EML5: variants seen among roughly 807,000 people sequenced by gnomAD.
EML5 encodes the protein EMAP like 5.
EML5 carries 120 observed loss-of-function variants against 250.0 expected under a neutral mutation model. The ratio of observed to expected loss-of-function variants is 0.48; its 90% CI spans 0.41 to 0.56. EML5 has a LOEUF of 0.56. Ranked by LOEUF, EML5 falls within the 20% of genes least tolerant of loss-of-function variation. The pLI is 0.00. For missense variants in EML5, 2,006 were observed against 2,437.6 expected, an observed-to-expected ratio of 0.82 and a Z score of 3.73; for synonymous variants, 771 against 806.5, an observed-to-expected ratio of 0.96 and a Z score of 0.75.
intron 19 of EML5, among the ~76,000 whole-genome samples, chr14:88,685,614 C>T: frequency 6.6e-6 from 1 of 151,854 alleles, no homozygotes; most frequent in East Asian, 1.9e-4. Context: ...TACATCATTC[C>T]ATATATTTTT....
At chr14:88,787,026 A>G (rs2094558036) in intron 1 of EML5, among the ~76,000 whole-genome samples, 2 of 152,238 alleles carry the variant, frequency 1.3e-5, no homozygotes, top group South Asian at 4.1e-4. Flanking sequence ...CCAAGAGTAA[A>G]TGGGAGAAAA....
At chr14:88,752,232 A>G (rs774532479) in intron 2 of EML5, among the ~76,000 whole-genome samples, 24 of 152,190 alleles carry the variant, frequency 1.6e-4, no homozygotes, top group Non-Finnish European at 3.2e-4. Flanking sequence ...AATGCAATAT[A>G]TTACATTTAG....
At chr14:88,788,020 C>G (rs1023134285) in intron 1 of EML5, among the ~76,000 whole-genome samples, 5 of 152,226 alleles carry the variant, frequency 3.3e-5, no homozygotes, top group African/African-American at 1.2e-4. Flanking sequence ...TGCGTTTGAG[C>G]AAAAGGCTAG....
intron 1 of EML5, among the ~76,000 whole-genome samples, chr14:88,782,852 G>A (rs903430320): frequency 1.3e-5 from 2 of 152,146 alleles, no homozygotes; most frequent in Non-Finnish European, 2.9e-5. Flanking sequence ...GGCTGAGGTG[G>A]GTGGATCACC....
chr14:88,703,090 T>G (rs1041033914), intron 13 of EML5, among the ~76,000 whole-genome samples: 1 of 152,072 alleles, frequency 6.6e-6, no homozygotes, highest in African/African-American at 2.4e-5. Flanking sequence ...CAATAAACTT[T>G]TATGAACTGC....
chr14:88,760,418 T>C (rs2094222295), intron 1 of EML5, among the ~76,000 whole-genome samples: 1 of 152,184 alleles, frequency 6.6e-6, no homozygotes, highest in Non-Finnish European at 1.5e-5. Flanking sequence ...GAAAAGACTA[T>C]CTTTTCTCCA....
In EML5 at chr14:88,704,917, G is replaced by A; in HGVS notation, c.1994C>T (p.Thr665Ile). 2 of 1,613,262 alleles carry A rather than the reference G, an allele frequency of 1.2e-6. No homozygotes were observed. Among genetic ancestry groups the A allele is most frequent in the Non-Finnish European group, 1.7e-6 (2 of 1,179,514 alleles). The change falls in exon 13 of 44, where the codon ACT becomes ATT. Residue 665 changes from threonine (T) to isoleucine (I), a missense_variant. Thr to Ile is a moderately conservative substitution (Grantham distance 89). Transcript: ENST00000554922. ...EQCKEKQKSATSKRRERAPGN... is the reference protein window; with the variant it reads ...EQCKEKQKSAISKRRERAPGN... Reference sequence around the variant, plus strand: ...TGGAGCCCGCTCTCTTCTTTTAGAAGTAGCACTTTTTTGTTTCTCTTTGCA... The same window carrying A: ...TGGAGCCCGCTCTCTTCTTTTAGAAATAGCACTTTTTTGTTTCTCTTTGCA...
At chr14:88,777,660 A>G (rs1212321950) in intron 1 of EML5, among the ~76,000 whole-genome samples, 1 of 152,240 alleles carries the variant, frequency 6.6e-6, no homozygotes, top group Non-Finnish European at 1.5e-5. Flanking sequence ...GTACAATAAG[A>G]TAGAAATAAC....
At chr14:88,780,764 G>A (rs891724380) in intron 1 of EML5, among the ~76,000 whole-genome samples, 7 of 151,926 alleles carry the variant, frequency 4.6e-5, no homozygotes, top group South Asian at 2.1e-4. Flanking sequence ...TGGTAGAGAC[G>A]GGGTTTCATC....
intron 15 of EML5, 84 bp downstream of exon 15, chr14:88,696,763 C>G (rs1053231328): frequency 4.6e-6 from 4 of 862,018 alleles, no homozygotes; most frequent in Non-Finnish European, 7.0e-6. Flanking sequence ...AAATGACAAG[C>G]TTAGGTAACA....
chr14:88,688,474 C>G lies in EML5; in HGVS notation c.2540-1G>C. 2 of 1,612,986 alleles carry G rather than the reference C, an allele frequency of 1.2e-6. No individual in the cohort carries two copies. Among genetic ancestry groups the G allele is most frequent in the Non-Finnish European group, 1.7e-6 (2 of 1,179,668 alleles). The stretch of plus-strand genomic sequence containing the variant: ...CCTTTTCTTCCAATCAATCCTCCCC[C>G]TAGTTCACAAAAAATATTATGAAAG... On this transcript the variant is annotated splice_acceptor_variant, in intron 17 of 43. Coordinates refer to ENST00000554922, the MANE Select transcript of EML5 (RefSeq NM_183387.3). LOFTEE classifies it high-confidence loss of function.
chr14:88,786,320 A>G (rs184045221), intron 1 of EML5, among the ~76,000 whole-genome samples: 190 of 152,306 alleles, frequency 1.2e-3, no homozygotes, highest in Non-Finnish European at 2.0e-3. Flanking sequence ...ACACACATAT[A>G]TAAAATTTAC....
Position 88,620,280 on chromosome 14 carries a change from C to T in EML5, c.5375+474G>A, listed in dbSNP as rs185625418. The T allele has an allele frequency of 4.9e-4, 74 of 152,510 alleles. No homozygotes were observed. The highest frequency in any genetic ancestry group is 6.9e-4 in the Non-Finnish European group (47 of 68,204). 9.4% of individuals were successfully genotyped at this position (152,510 alleles called of 1,614,324 possible). On this transcript the variant is annotated intron_variant, in intron 39 of 43. Coordinates refer to ENST00000554922, the MANE Select transcript of EML5 (RefSeq NM_183387.3). The surrounding 1 kb of genome is among the most constrained non-coding windows in gnomAD (Gnocchi z 4.3). ...TGAAAAATGCTTAAGCACTGAAAAA[C>T]AAAGGTTTAAGAAACATTTAAATTA...
chr14:88,751,192 A>T (rs1245671022), intron 2 of EML5, among the ~76,000 whole-genome samples: 1 of 152,234 alleles, frequency 6.6e-6, no homozygotes, highest in African/African-American at 2.4e-5. Flanking sequence ...TAGAAATGAC[A>T]CAGCAAATAC....
intron 1 of EML5, among the ~76,000 whole-genome samples, chr14:88,775,374 AGG>A (rs962209058): frequency 6.6e-6 from 1 of 151,538 alleles, no homozygotes; most frequent in Non-Finnish European, 1.5e-5. Flanking sequence ...CTGGGGCAGA[AGG>A]GAGCCCATTG....
chr14:88,685,255 C>T, intron 19 of EML5, 113 bp from the exon 20 acceptor site: 1 of 864,144 alleles, frequency 1.2e-6, no homozygotes, highest in South Asian at 2.7e-5. Flanking sequence ...AAGGTTTTCT[C>T]CTGTATTTTA....
Position 88,621,312 on chromosome 14 carries a change from A to G in EML5, c.5014-11T>C. Reference sequence around the variant, plus strand: ...AACAAGGATCTTGCCCTGAAACACAAGCAGGACCAATACAGTGAATGTAAT... The same window carrying G: ...AACAAGGATCTTGCCCTGAAACACAGGCAGGACCAATACAGTGAATGTAAT... On this transcript the variant is annotated splice_polypyrimidine_tract_variant and intron_variant, in intron 37 of 43. Coordinates refer to ENST00000554922, the MANE Select transcript of EML5 (RefSeq NM_183387.3). 1 of 1,613,814 alleles carries G rather than the reference A, an allele frequency of 6.2e-7. No individual in the cohort carries two copies. The highest frequency in any genetic ancestry group is 8.5e-7 in the Non-Finnish European group (1 of 1,179,812).
chr14:88,761,415 T>G (rs1307443110), intron 1 of EML5, among the ~76,000 whole-genome samples: 1 of 152,184 alleles, frequency 6.6e-6, no homozygotes, highest in African/African-American at 2.4e-5. Flanking sequence ...ATGTTCTCAT[T>G]GTTCAACTCC....
At chr14:88,648,079 T>C (rs1274943457) in intron 28 of EML5, among the ~76,000 whole-genome samples, 1 of 152,172 alleles carries the variant, frequency 6.6e-6, no homozygotes, top group African/African-American at 2.4e-5. Flanking sequence ...AAAAGTAATC[T>C]TTAAAAAGTT....
Sources: gnomAD v4.1 joint callset for allele counts (sites outside exome capture counted in the v4.1 genomes callset) on GRCh38, gnomAD v4.1.1 for gene constraint, Gnocchi (gnomAD v3.1) non-coding constraint, MANE v1.5 for transcripts, NCBI Gene and HGNC (gene_info 2026-07-23, HGNC 2026-07-21) for gene names.